The following TMEM178B variants were observed in gnomAD, a reference collection of about 807,000 sequenced individuals.
TMEM178B encodes the protein transmembrane protein 178B.
TMEM178B carries 5 observed loss-of-function variants against 31.0 expected under a neutral mutation model. The observed-to-expected ratio is 0.16, with a 90% CI of 0.08 to 0.34. The LOEUF is 0.34. TMEM178B is among the 10% of genes least tolerant of loss of function. The pLI is 1.00. For missense variants in TMEM178B, 275 were observed against 400.3 expected, an observed-to-expected ratio of 0.69 and a Z score of 2.67; for synonymous variants, 164 against 164.0, an observed-to-expected ratio of 1.00 and a Z score of 0.00.
chr7:141,417,403 G>A (rs1801118161), intron 2 of TMEM178B, among the ~76,000 whole-genome samples: 1 of 152,216 alleles, frequency 6.6e-6, no homozygotes, highest in African/African-American at 2.4e-5. Context: ...CAAGACAGAA[G>A]GGCTGGTGTC....
rs1434668436 is a variant in TMEM178B at position 141,470,819 on chromosome 7, A to T, written c.*33A>T. On this transcript the variant is annotated 3_prime_UTR_variant, in exon 4 of 4. Coordinates refer to ENST00000565468, the MANE Select transcript of TMEM178B (RefSeq NM_001195278.2). ...ACCCATACATACATATATATATATA[A>T]ATATATATATATAATATACATATAT... The T allele has an allele frequency of 1.7e-5, 15 of 906,980 alleles. No homozygotes were observed. The highest frequency in any genetic ancestry group is 5.0e-5 in the South Asian group (1 of 20,180). The allele number at this position is 906,980 out of a possible 1,614,324, so 56.2% of individuals were successfully genotyped here.
intron 1 of TMEM178B, among the ~76,000 whole-genome samples, chr7:141,095,077 G>A (rs1794935902): frequency 6.6e-6 from 1 of 152,104 alleles, no homozygotes; most frequent in Non-Finnish European, 1.5e-5. Context: ...GAAAATTATT[G>A]GCCACATTTA....
chr7:141,275,446 G>A (rs10247172), intron 2 of TMEM178B, among the ~76,000 whole-genome samples: 65,657 of 151,978 alleles, frequency 0.43, 14,426 homozygotes, highest in East Asian at 0.67. Flanking sequence ...CACCCCACTC[G>A]TCTGCAGGAG....
intron 1 of TMEM178B, among the ~76,000 whole-genome samples, chr7:141,134,839 G>A (rs1224828628): frequency 6.6e-6 from 1 of 152,198 alleles, no homozygotes; most frequent in Non-Finnish European, 1.5e-5. Context: ...GATATTCCAT[G>A]CTGATATGGT....
rs1802436439 is a variant in TMEM178B, at chr7:141,479,498, T to G, written c.*8712T>G. On this transcript the variant is annotated 3_prime_UTR_variant, in exon 4 of 4. Coordinates refer to ENST00000565468, the MANE Select transcript of TMEM178B (RefSeq NM_001195278.2). ...GACCTTCCTTAGGATTGAAGAAACC[T>G]CTTTTGTTTGTGAAAAAGATAGGTA... The G allele has an allele frequency of 6.6e-6, 1 of 152,218 alleles. No homozygotes were observed. The highest frequency in any genetic ancestry group is 1.5e-5 in the Non-Finnish European group (1 of 68,036). 9.4% of individuals were successfully genotyped at this position (152,218 alleles called of 1,614,324 possible). A position where few individuals can be genotyped will look rare whatever the true frequency, so the allele number is the denominator to read the frequency against.
chr7:141,423,705 G>A (rs1801257649), intron 2 of TMEM178B, among the ~76,000 whole-genome samples: 1 of 151,864 alleles, frequency 6.6e-6, no homozygotes, highest in African/African-American at 2.4e-5. Context: ...TTCTTCCCAT[G>A]CTGTCATGCT....
intron 2 of TMEM178B, among the ~76,000 whole-genome samples, chr7:141,222,536 A>G (rs1405870871): frequency 3.9e-5 from 6 of 152,240 alleles, no homozygotes; most frequent in Non-Finnish European, 7.3e-5. Context: ...TCTCTGAGTA[A>G]GTTTGCAAAG....
At chr7:141,251,947 C>A (rs780446975) in intron 2 of TMEM178B, among the ~76,000 whole-genome samples, 3 of 152,142 alleles carry the variant, frequency 2.0e-5, no homozygotes, top group Non-Finnish European at 4.4e-5. Context: ...TTTCTTTTAT[C>A]ATTTAATTTT....
At position 141,274,289 on chromosome 7, in the gene TMEM178B, T is replaced by G. The variant is rs994486793; in HGVS notation, c.496+61585T>G. ...TTTATTCAGTCTTATGCCAGGCACATAAGTTGGTGCTCAACAAATTTTTAT... is the reference window on the plus strand; with the variant it reads ...TTTATTCAGTCTTATGCCAGGCACAGAAGTTGGTGCTCAACAAATTTTTAT... On this transcript the variant is annotated intron_variant, in intron 2 of 3. Transcript: ENST00000565468. Among the ~76,000 whole-genome samples, 6 of 152,240 alleles carry G rather than the reference T, an allele frequency of 3.9e-5. 1 individual carries two copies.
At chr7:141,288,507 A>G (rs1429911245) in intron 2 of TMEM178B, among the ~76,000 whole-genome samples, 2 of 152,074 alleles carry the variant, frequency 1.3e-5, no homozygotes, top group African/African-American at 4.8e-5. Context: ...ATTTAAAATA[A>G]GAAAAGAAAA....
chr7:141,457,585 A>G (rs562869911), intron 3 of TMEM178B, among the ~76,000 whole-genome samples: 1 of 152,348 alleles, frequency 6.6e-6, no homozygotes, highest in African/African-American at 2.4e-5. Flanking sequence ...GAAGGAGTGT[A>G]TGCTATGTAG....
At chr7:141,177,874 A>G (rs571565616) in intron 1 of TMEM178B, among the ~76,000 whole-genome samples, 5 of 152,274 alleles carry the variant, frequency 3.3e-5, no homozygotes, top group Admixed American at 3.3e-4. Flanking sequence ...CAGCACACTG[A>G]TAGGTCTTGC....
chr7:141,240,098 A>G (rs1797595221), intron 2 of TMEM178B, among the ~76,000 whole-genome samples: 2 of 152,162 alleles, frequency 1.3e-5, no homozygotes, highest in Admixed American at 6.5e-5. Context: ...TCACATGTTA[A>G]TTTTATACTA....
chr7:141,437,500 T>C, intron 2 of TMEM178B, 108 bp from the exon 3 acceptor site: 1 of 1,436,706 alleles, frequency 7.0e-7, no homozygotes, highest in Non-Finnish European at 9.2e-7. Flanking sequence ...GTTGCCTTCC[T>C]GCTCCTGGAG....
intron 1 of TMEM178B, among the ~76,000 whole-genome samples, chr7:141,098,342 C>T (rs188155232): frequency 6.6e-6 from 1 of 152,334 alleles, no homozygotes; most frequent in African/African-American, 2.4e-5. Flanking sequence ...GAACTGCCCT[C>T]TTGAAGGGCT....
chr7:141,307,435 GCCACTCACTTGCTGGGT>G (rs879299747), intron 2 of TMEM178B, among the ~76,000 whole-genome samples: 3 of 152,206 alleles, frequency 2.0e-5, no homozygotes, highest in Non-Finnish European at 4.4e-5. Context: ...GGCAGCGGCT[GCCACTCACTTGCTGGGT>G]CCCCTACATG....
chr7:141,207,426 T>A (rs1261978232), intron 1 of TMEM178B, among the ~76,000 whole-genome samples: 1 of 152,196 alleles, frequency 6.6e-6, no homozygotes, highest in Non-Finnish European at 1.5e-5. Context: ...AGTTTCGCTT[T>A]CTCCGCCTCC....
intron 2 of TMEM178B, among the ~76,000 whole-genome samples, chr7:141,286,835 TGAG>T (rs1163443551): frequency 9.9e-5 from 15 of 152,214 alleles, no homozygotes; most frequent in Non-Finnish European, 8.8e-5. Flanking sequence ...CGTTAGAGAC[TGAG>T]GATACTTTTA....
chr7:141,348,370 G>A (rs995505178), intron 2 of TMEM178B, among the ~76,000 whole-genome samples: 1 of 152,206 alleles, frequency 6.6e-6, no homozygotes, highest in East Asian at 1.9e-4. Flanking sequence ...GATTCATGTG[G>A]TCTTTACAGG....
Sources: gnomAD v4.1 joint callset for allele counts (sites outside exome capture counted in the v4.1 genomes callset) on GRCh38, gnomAD v4.1.1 for gene constraint, MANE v1.5 for transcripts, NCBI Gene and HGNC (gene_info 2026-07-23, HGNC 2026-07-21) for gene names.